Variants in MYO16 observed in about 807,000 individuals in gnomAD.
The protein encoded by MYO16 is myosin XVI.
A neutral mutation model predicts 205.3 loss-of-function variants in MYO16; 94 were observed. The observed-to-expected ratio is 0.46, with a 90% CI of 0.39 to 0.54. The LOEUF (loss-of-function observed/expected upper bound fraction) is 0.54, where lower values mean the gene tolerates loss of function less well. Ranked by LOEUF, MYO16 falls within the 20% of genes least tolerant of loss-of-function variation. The pLI, the probability that MYO16 is intolerant of heterozygous loss-of-function variation, is 0.00. For synonymous variants in MYO16, 988 were observed against 954.0 expected (o/e 1.04, Z -0.66); for missense variants, 2,315 against 2,387.5 (o/e 0.97, Z 0.63).
At chr13:108,887,611 A>G (rs1879964910) in intron 13 of MYO16, among the ~76,000 whole-genome samples, 1 of 152,202 alleles carries the variant, frequency 6.6e-6, no homozygotes, top group African/African-American at 2.4e-5. Context: ...GGGATGTATT[A>G]AAAGTGATGC....
At chr13:108,749,056 T>A (rs189462692) in intron 4 of MYO16, among the ~76,000 whole-genome samples, 1 of 152,208 alleles carries the variant, frequency 6.6e-6, no homozygotes, top group Non-Finnish European at 1.5e-5. Context: ...TCTAAAATTG[T>A]ATATATTTAT....
intron 21 of MYO16, among the ~76,000 whole-genome samples, chr13:109,006,793 C>G (rs1438398496): frequency 6.6e-6 from 1 of 152,016 alleles, no homozygotes; most frequent in Non-Finnish European, 1.5e-5. Context: ...GATGAGGGAA[C>G]ATAAAGGTCT....
At chr13:109,038,204 C>T (rs892185089) in intron 23 of MYO16, among the ~76,000 whole-genome samples, 10 of 152,154 alleles carry the variant, frequency 6.6e-5, no homozygotes, top group Non-Finnish European at 1.0e-4. Context: ...GTCGGTTTCA[C>T]TGGGCCATGG....
intron 2 of MYO16, among the ~76,000 whole-genome samples, chr13:108,684,563 C>T (rs2139478057): frequency 6.6e-6 from 1 of 152,308 alleles, no homozygotes; most frequent in South Asian, 2.1e-4. Flanking sequence ...AGGCAGAGCT[C>T]CTAATCCCTT....
At chr13:109,132,323 T>C (rs1876579075) in intron 31 of MYO16, among the ~76,000 whole-genome samples, 1 of 152,210 alleles carries the variant, frequency 6.6e-6, no homozygotes, top group South Asian at 2.1e-4. Context: ...CATACCTTAA[T>C]GAAACCATAA....
chr13:108,502,212 C>CA, the MYO16 span, among the ~76,000 whole-genome samples: 1 of 150,328 alleles, frequency 6.7e-6, no homozygotes, highest in Non-Finnish European at 1.5e-5. Context: ...GACTCCATCT[C>CA]AAAAAACAAA....
At chr13:108,916,245 C>A (rs1026724942) in intron 16 of MYO16, among the ~76,000 whole-genome samples, 1 of 152,140 alleles carries the variant, frequency 6.6e-6, no homozygotes, top group Non-Finnish European at 1.5e-5. Flanking sequence ...TTCCCATGTG[C>A]CAGGCACTCT....
At chr13:108,651,811 T>C (rs910239608) in intron 1 of MYO16, among the ~76,000 whole-genome samples, 1 of 151,862 alleles carries the variant, frequency 6.6e-6, no homozygotes, top group African/African-American at 2.4e-5. Flanking sequence ...TCAAATATTT[T>C]AGGGCATAGC....
chr13:108,533,000 T>C, the MYO16 span, among the ~76,000 whole-genome samples: 1 of 152,058 alleles, frequency 6.6e-6, no homozygotes, highest in Non-Finnish European at 1.5e-5. Flanking sequence ...TTCATTTAGA[T>C]GGAAGGAAGA....
At chr13:109,139,058 G>A (rs925334900) in intron 31 of MYO16, among the ~76,000 whole-genome samples, 2 of 152,058 alleles carry the variant, frequency 1.3e-5, no homozygotes, top group African/African-American at 4.8e-5. Context: ...GACCTCAAGT[G>A]ATCTGCCCAC....
rs377214022 is a variant in MYO16, at chr13:109,125,329, C to G, written c.3753C>G (p.Val1251=). Residue 1251 remains valine, a synonymous_variant, in exon 30 of 35, where the codon GTC becomes GTG. Transcript: ENST00000457511. This position sits in a 1 kb window ranked among gnomAD's most constrained non-coding sequence, Gnocchi z 4.0. ...CCTACCATAAAGAGAAGTTAGAGGTCAGGAACATGCAAGAGGAAGGAAGCA... is the reference window on the plus strand; with the variant it reads ...CCTACCATAAAGAGAAGTTAGAGGTGAGGAACATGCAAGAGGAAGGAAGCA... ...NAPYHKEKLE[V]RNMQEEGSKR... The G allele has an allele frequency of 5.6e-6, 9 of 1,614,020 alleles. No individual in the cohort carries two copies.
intron 32 of MYO16, among the ~76,000 whole-genome samples, chr13:109,147,017 G>T: frequency 6.6e-6 from 1 of 151,882 alleles, no homozygotes; most frequent in Non-Finnish European, 1.5e-5. Flanking sequence ...GTCTTCACGA[G>T]CATGAAGCTG....
rs1281244004 is a variant in MYO16 at position 109,207,474 on chromosome 13, G to A, written c.*638G>A. 1 of 151,662 alleles carries A rather than the reference G, an allele frequency of 6.6e-6. No individual in the cohort carries two copies. The highest frequency in any genetic ancestry group is 1.5e-5 in the Non-Finnish European group (1 of 67,932). 9.4% of individuals were successfully genotyped at this position (151,662 alleles called of 1,614,324 possible). On this transcript the variant is annotated 3_prime_UTR_variant, in exon 35 of 35. Coordinates refer to ENST00000457511, the MANE Select transcript of MYO16 (RefSeq NM_001198950.3). ...ACCTAAATCTTGAAACTACATTGTT[G>A]TTTTAGCTTCGCCAGTGTCACCCCT...
intron 1 of MYO16, among the ~76,000 whole-genome samples, chr13:108,648,997 A>G (rs1403042633): frequency 6.6e-6 from 1 of 150,476 alleles, no homozygotes; most frequent in Non-Finnish European, 1.5e-5. Flanking sequence ...ATGGGCTGAT[A>G]TTTAAACAAC....
At chr13:108,772,182 C>A (rs1342588461) in intron 4 of MYO16, among the ~76,000 whole-genome samples, 2 of 149,996 alleles carry the variant, frequency 1.3e-5, no homozygotes, top group Non-Finnish European at 3.0e-5. Flanking sequence ...GACCCAGTTT[C>A]TGCAAAAAAA....
intron 7 of MYO16, among the ~76,000 whole-genome samples, chr13:108,809,814 G>A (rs2138990098): frequency 6.6e-6 from 1 of 152,278 alleles, no homozygotes; most frequent in African/African-American, 2.4e-5. Flanking sequence ...GAATAGAAAG[G>A]GCCAGCGCTG....
chr13:108,823,324 C>A, intron 9 of MYO16, 46 bp downstream of exon 9: 1 of 1,546,728 alleles, frequency 6.5e-7, no homozygotes, highest in Middle Eastern at 1.7e-4. Flanking sequence ...TCTCTACCTG[C>A]TGGTCATTTT....
At chr13:108,608,674 G>C (rs1879055191) in intron 1 of MYO16, among the ~76,000 whole-genome samples, 1 of 151,610 alleles carries the variant, frequency 6.6e-6, no homozygotes, top group Admixed American at 6.6e-5. Flanking sequence ...AGACAGTCCT[G>C]CTCTGTCACC....
At chr13:108,854,120 A>T (rs1022286223) in intron 10 of MYO16, among the ~76,000 whole-genome samples, 1 of 151,996 alleles carries the variant, frequency 6.6e-6, no homozygotes, top group Non-Finnish European at 1.5e-5. Context: ...CAGCTTCCTG[A>T]GTAGCTGAGA....
Sources: allele counts gnomAD v4.1 joint callset (sites outside exome capture counted in the v4.1 genomes callset), GRCh38; gene constraint gnomAD v4.1.1; non-coding constraint Gnocchi (gnomAD v3.1); transcripts MANE v1.5; gene names NCBI Gene and HGNC (gene_info 2026-07-23, HGNC 2026-07-21).